The following ENOX1 variants were observed in gnomAD, a reference collection of about 807,000 sequenced individuals.
ENOX1 encodes the protein ecto-NOX disulfide-thiol exchanger 1, also known as candidate growth-related and time keeping constitutive hydroquinone (NADH) oxidase.
ENOX1 carries 42 observed loss-of-function variants against 82.5 expected under a neutral mutation model. That is an observed-to-expected ratio of 0.51 (90% CI 0.40 to 0.66). The LOEUF (loss-of-function observed/expected upper bound fraction) is 0.66, where lower values mean the gene tolerates loss of function less well. ENOX1 is among the 30% of genes least tolerant of loss of function. The probability of loss-of-function intolerance (pLI) is 0.00; values close to 1 mark genes in which losing one functional copy is unlikely to be tolerated. For synonymous variants in ENOX1, 271 were observed against 282.2 expected (o/e 0.96, Z 0.40); for missense variants, 608 against 811.6 (o/e 0.75, Z 3.05).
chr13:43,457,332 T>C (rs1005802236), intron 3 of ENOX1, among the ~76,000 whole-genome samples: 1 of 152,210 alleles, frequency 6.6e-6, no homozygotes, highest in Non-Finnish European at 1.5e-5. Context: ...TACTTCTTTG[T>C]TATTTTTTAG....
At chr13:43,573,484 C>A (rs1008448279) in intron 2 of ENOX1, among the ~76,000 whole-genome samples, 1 of 152,184 alleles carries the variant, frequency 6.6e-6, no homozygotes, top group Non-Finnish European at 1.5e-5. Flanking sequence ...CACTACCATA[C>A]GTGCATTCTT....
rs375170726 is a variant in ENOX1, at chr13:43,643,320, A to G, written c.-219+24159T>C. Among the ~76,000 whole-genome samples the G allele has an allele frequency of 3.9e-5, 6 of 152,310 alleles. No individual in the cohort carries two copies. The East Asian group carries it at 7.7e-4, about 20-fold the overall frequency. On this transcript the variant is annotated intron_variant, in intron 2 of 16. Transcript: ENST00000690772. ...ATCGTGATCAGTTTAGTCATGACAG[A>G]TCCAGCACAGCACCCTGGCCATTCA... is the stretch of plus-strand genomic sequence containing the variant.
chr13:43,362,367 G>T (rs2050581132), intron 5 of ENOX1, among the ~76,000 whole-genome samples: 1 of 152,024 alleles, frequency 6.6e-6, no homozygotes, highest in South Asian at 2.1e-4. Context: ...CGTTCATGAG[G>T]GTTTCCCTGT....
chr13:43,317,107 G>A (rs1408418528), intron 11 of ENOX1, among the ~76,000 whole-genome samples: 1 of 152,198 alleles, frequency 6.6e-6, no homozygotes, highest in Non-Finnish European at 1.5e-5. Flanking sequence ...CTGCCCTTGG[G>A]GTCTGCTGGC....
chr13:43,727,973 G>A (rs965258152), intron 1 of ENOX1, among the ~76,000 whole-genome samples: 1 of 152,066 alleles, frequency 6.6e-6, no homozygotes. Flanking sequence ...CTTCCCCAAC[G>A]CTATTTTCTA....
intron 1 of ENOX1, among the ~76,000 whole-genome samples, chr13:43,721,288 T>C (rs2088557198): frequency 1.3e-5 from 2 of 152,020 alleles, no homozygotes; most frequent in Non-Finnish European, 1.5e-5. Flanking sequence ...TTTTAATTAT[T>C]ATTTTCTTAG....
At chr13:43,644,312 T>C (rs2083796970) in intron 2 of ENOX1, among the ~76,000 whole-genome samples, 1 of 152,212 alleles carries the variant, frequency 6.6e-6, no homozygotes, top group Non-Finnish European at 1.5e-5. Context: ...TATTTTATTC[T>C]GGGAATTTAA....
intron 11 of ENOX1, among the ~76,000 whole-genome samples, chr13:43,310,810 C>A (rs1015819631): frequency 2.6e-5 from 4 of 151,956 alleles, no homozygotes; most frequent in Non-Finnish European, 4.4e-5. Flanking sequence ...AAGCTTCAGT[C>A]ATTACCTCTT....
rs59379000 is a variant in ENOX1 at position 43,553,241 on chromosome 13, TTCA to T, written c.-218-69092_-218-69090del. On this transcript the variant is annotated intron_variant, in intron 2 of 16. Transcript: ENST00000690772. ...TAGGTAGCTATTGTCATAACACCAA[TTCA>T]TATGTGCTGAATTGGGAAATCTTGC... 3.1e-3 allele frequency among the ~76,000 whole-genome samples: 468 copies of T among 152,328 alleles called. 5 individuals are homozygous for T. Among genetic ancestry groups the T allele is most frequent in the African/African-American group, 0.011 (454 of 41,570 alleles).
intron 2 of ENOX1, among the ~76,000 whole-genome samples, chr13:43,511,677 G>A (rs948018709): frequency 6.6e-6 from 1 of 152,160 alleles, no homozygotes; most frequent in Non-Finnish European, 1.5e-5. Flanking sequence ...AAGGCACACA[G>A]CACTATAACA....
At position 43,356,144 on chromosome 13, in the gene ENOX1, T is replaced by C. The variant is rs748048089; in HGVS notation, c.598A>G (p.Met200Val). The C allele has an allele frequency of 6.2e-7, 1 of 1,613,722 alleles. No individual in the cohort carries two copies. Among genetic ancestry groups the C allele is most frequent in the African/African-American group, 1.3e-5 (1 of 74,914 alleles). Reference sequence around the variant, plus strand: ...TTGTCGGTGCTAGACCCTAATCGCATCCTATAACCTGAAACCAATGGAAAC... The same window carrying C: ...TTGTCGGTGCTAGACCCTAATCGCACCCTATAACCTGAAACCAATGGAAAC... ...DKAIYLSGYR[M>V]RLGSSTDKKD... The change falls in exon 8 of 17, where the codon ATG becomes GTG. Residue 200 changes from methionine to valine, a missense_variant. Physicochemically the swap from Met to Val is conservative, Grantham distance 21 (BLOSUM62 1). Coordinates refer to ENST00000690772, the MANE Select transcript of ENOX1 (RefSeq NM_001347969.2).
At chr13:43,393,799 G>A (rs1037974732) in intron 5 of ENOX1, among the ~76,000 whole-genome samples, 1 of 152,226 alleles carries the variant, frequency 6.6e-6, no homozygotes. Flanking sequence ...TTGGATGTGT[G>A]TCCCCTCCAA....
chr13:43,623,994 T>C (rs1043172638), intron 2 of ENOX1, among the ~76,000 whole-genome samples: 22 of 152,336 alleles, frequency 1.4e-4, no homozygotes, highest in African/African-American at 4.6e-4. Flanking sequence ...TAGTTCTTTA[T>C]GAAACTGTCA....
chr13:43,465,358 T>C (rs1321413465), intron 3 of ENOX1, among the ~76,000 whole-genome samples: 1 of 152,246 alleles, frequency 6.6e-6, no homozygotes, highest in Non-Finnish European at 1.5e-5. Flanking sequence ...ATTTTGTGGC[T>C]CAAATTGTTC....
chr13:43,643,296 T>C (rs1163175560), intron 2 of ENOX1, among the ~76,000 whole-genome samples: 1 of 152,122 alleles, frequency 6.6e-6, no homozygotes, highest in Non-Finnish European at 1.5e-5. Flanking sequence ...AGACTAATGA[T>C]CGTGATCAGT....
In ENOX1 at chr13:43,335,917, A is replaced by G. The variant is rs150068092; in HGVS notation, c.1036+8621T>C. Among the ~76,000 whole-genome samples, 1,493 of 152,246 alleles carry G rather than the reference A, an allele frequency of 9.8e-3. 21 individuals are homozygous for G. The highest frequency in any genetic ancestry group is 0.034 in the African/African-American group (1,432 of 41,542). On this transcript the variant is annotated intron_variant, in intron 9 of 16. Coordinates refer to ENST00000690772, the MANE Select transcript of ENOX1 (RefSeq NM_001347969.2). ...TTTTTATACATATTATTTTCTCTGG[A>G]TATTTATTCCCTGAGACCAAAGAGG...
intron 2 of ENOX1, chr13:43,546,695 A>C (rs1015441632): frequency 3.3e-5 from 5 of 152,224 alleles, no homozygotes; most frequent in Non-Finnish European, 7.3e-5. Context: ...TCAAAACAGA[A>C]TTTTGATGAC....
At chr13:43,659,361 G>A (rs1370995423) in intron 2 of ENOX1, among the ~76,000 whole-genome samples, 7 of 151,884 alleles carry the variant, frequency 4.6e-5, no homozygotes, top group Admixed American at 2.6e-4. Context: ...GTAGTGGCAC[G>A]CGCCTGTAAT....
intron 11 of ENOX1, among the ~76,000 whole-genome samples, chr13:43,301,717 C>A (rs7989699): frequency 0.35 from 52,965 of 151,852 alleles, 9,333 homozygotes; most frequent in South Asian, 0.52. Flanking sequence ...ACTCATGTGG[C>A]AGCAAGTAGT....
Sources: allele counts gnomAD v4.1 joint callset (sites outside exome capture counted in the v4.1 genomes callset), GRCh38; gene constraint gnomAD v4.1.1; transcripts MANE v1.5; gene names NCBI Gene and HGNC (gene_info 2026-07-23, HGNC 2026-07-21).